Variants in CLCN3 observed in about 807,000 individuals in gnomAD.
CLCN3 encodes the protein Cl-/H+ antiporter 3.
In CLCN3, 16 loss-of-function variants were observed where a neutral mutation model predicts 83.4. The ratio of observed to expected loss-of-function variants is 0.19; its 90% CI spans 0.13 to 0.29. CLCN3 has a LOEUF of 0.29. CLCN3 is among the 10% of genes least tolerant of loss of function. CLCN3 has a pLI of 1.00. For missense variants in CLCN3, 544 were observed against 1,006.0 expected, an observed-to-expected ratio of 0.54 and a Z score of 6.21; for synonymous variants, 322 against 346.2, an observed-to-expected ratio of 0.93 and a Z score of 0.78.
intron 12 of CLCN3, among the ~76,000 whole-genome samples, chr4:169,715,601 T>C (rs1733394848): frequency 6.6e-6 from 1 of 152,140 alleles, no homozygotes; most frequent in Non-Finnish European, 1.5e-5. Flanking sequence ...GTGTAGTTCA[T>C]ACTGCATTTT....
At chr4:169,677,900 C>A (rs1188765277) in intron 2 of CLCN3, among the ~76,000 whole-genome samples, 1 of 151,832 alleles carries the variant, frequency 6.6e-6, no homozygotes, top group Non-Finnish European at 1.5e-5. Flanking sequence ...ATTTCTTTTT[C>A]TTGAGCTATC....
chr4:169,639,462 C>T (rs1417770073), intron 2 of CLCN3, among the ~76,000 whole-genome samples: 1 of 151,688 alleles, frequency 6.6e-6, no homozygotes, highest in Non-Finnish European at 1.5e-5. Context: ...TTACATGTCA[C>T]CAAAAAAAGA....
At chr4:169,679,816 T>C (rs996583131) in intron 2 of CLCN3, among the ~76,000 whole-genome samples, 2 of 151,424 alleles carry the variant, frequency 1.3e-5, no homozygotes, top group Non-Finnish European at 2.9e-5. Flanking sequence ...GGCAGGGAGG[T>C]TGCAGTGAGC....
intron 2 of CLCN3, chr4:169,663,125 A>ATGTG (rs55965836): frequency 6.4e-5 from 9 of 141,720 alleles, no homozygotes; most frequent in African/African-American, 2.3e-4. Flanking sequence ...GTGAGCATAT[A>ATGTG]TGTGTGTGTG....
intron 2 of CLCN3, among the ~76,000 whole-genome samples, chr4:169,650,584 GAA>G (rs1208637035): frequency 2.0e-5 from 3 of 152,170 alleles, no homozygotes; most frequent in African/African-American, 7.2e-5. Flanking sequence ...GTTTTTGTAA[GAA>G]ATTCTTAAAT....
At chr4:169,622,538 A>C (rs1174833589) in intron 1 of CLCN3, among the ~76,000 whole-genome samples, 2 of 152,188 alleles carry the variant, frequency 1.3e-5, no homozygotes, top group Non-Finnish European at 2.9e-5. Flanking sequence ...CAGTGATCTA[A>C]AATGTATAAT....
At position 169,620,797 on chromosome 4, in the gene CLCN3, G is replaced by A; in HGVS notation, c.-283G>A. 2.5e-6 allele frequency: 1 copy of A among 398,652 alleles called. No individual in the cohort carries two copies. Among genetic ancestry groups the A allele is most frequent in the Non-Finnish European group, 4.4e-6 (1 of 226,086 alleles). The allele number at this position is 398,652 out of a possible 1,614,324, so 24.7% of individuals were successfully genotyped here. ...TTTTAATTTTGGGCAGAAGCAGGTTGACTCTAGGGATCTCCAGAGCGAGAG... is the reference window on the plus strand; with the variant it reads ...TTTTAATTTTGGGCAGAAGCAGGTTAACTCTAGGGATCTCCAGAGCGAGAG... On this transcript the variant is annotated 5_prime_UTR_variant, in exon 1 of 13. Transcript: ENST00000513761.
chr4:169,665,642 A>G (rs35899341), intron 2 of CLCN3, among the ~76,000 whole-genome samples: 26,200 of 151,800 alleles, frequency 0.17, 2,900 homozygotes, highest in South Asian at 0.3. Flanking sequence ...TCCTGCTCTT[A>G]ACATACAGAA....
intron 12 of CLCN3, among the ~76,000 whole-genome samples, chr4:169,716,198 A>G (rs1316027548): frequency 6.6e-6 from 1 of 152,144 alleles, no homozygotes; most frequent in African/African-American, 2.4e-5. Flanking sequence ...CAGCACTCTG[A>G]CTTTATTATG....
At chr4:169,663,200 C>T (rs1320052498) in intron 2 of CLCN3, 1 of 130,764 alleles carries the variant, frequency 7.6e-6, no homozygotes, top group Non-Finnish European at 1.5e-5. Flanking sequence ...TATACATATA[C>T]ACACACATAT....
chr4:169,685,219 C>G (rs1439861803), intron 3 of CLCN3, among the ~76,000 whole-genome samples: 1 of 152,052 alleles, frequency 6.6e-6, no homozygotes, highest in Non-Finnish European at 1.5e-5. Context: ...TTAGATGCAC[C>G]TTTGATTCAT....
In CLCN3 at chr4:169,723,482, A is replaced by G. The variant is rs1309662816; in HGVS notation, c.*3485A>G. ...TCATTTCAGCTCACTTTCAAAAGTGATTTTTTTTTTTTTCGCAAGAAAAAT... is the reference window on the plus strand; with the variant it reads ...TCATTTCAGCTCACTTTCAAAAGTGGTTTTTTTTTTTTTCGCAAGAAAAAT... On this transcript the variant is annotated 3_prime_UTR_variant, in exon 13 of 13. Coordinates refer to ENST00000513761, the MANE Select transcript of CLCN3 (RefSeq NM_001829.4). The G allele has an allele frequency of 6.8e-6, 1 of 146,314 alleles. No homozygotes were observed. The highest frequency in any genetic ancestry group is 1.5e-5 in the Non-Finnish European group (1 of 66,070). 9.1% of individuals were successfully genotyped at this position (146,314 alleles called of 1,614,324 possible). A position where few individuals can be genotyped will look rare whatever the true frequency, so the allele number is the denominator to read the frequency against.
At chr4:169,643,267 G>C (rs1405366884) in intron 2 of CLCN3, 1 of 152,188 alleles carries the variant, frequency 6.6e-6, no homozygotes, top group Non-Finnish European at 1.5e-5. Context: ...TTTTGCTCTT[G>C]TTGCCCAAGC....
rs1773085830 is a variant in CLCN3 at position 169,620,583 on chromosome 4, C to T, written c.-497C>T. Reference sequence around the variant, plus strand: ...GCTCCTGACTCCTGCCGCTTCTCTTCCCCTTCCGTGGGTCAGGGCCGGTCC... The same window carrying T: ...GCTCCTGACTCCTGCCGCTTCTCTTTCCCTTCCGTGGGTCAGGGCCGGTCC... On this transcript the variant is annotated 5_prime_UTR_variant, in exon 1 of 13. Transcript: ENST00000513761. 2 of 394,368 alleles carry T rather than the reference C, an allele frequency of 5.1e-6. No homozygotes were observed. Among genetic ancestry groups the T allele is most frequent in the Non-Finnish European group, 8.9e-6 (2 of 224,220 alleles). 24.4% of individuals were successfully genotyped at this position (394,368 alleles called of 1,614,324 possible). A position where few individuals can be genotyped will look rare whatever the true frequency, so the allele number is the denominator to read the frequency against.
intron 1 of CLCN3, among the ~76,000 whole-genome samples, chr4:169,632,022 G>A (rs1340796866): frequency 2.0e-5 from 3 of 152,048 alleles, no homozygotes; most frequent in African/African-American, 7.2e-5. Context: ...CTACTGAAAC[G>A]ACTCCAAAAA....
chr4:169,681,819 C>T (rs1384349041), intron 3 of CLCN3, among the ~76,000 whole-genome samples: 3 of 152,166 alleles, frequency 2.0e-5, no homozygotes, highest in Admixed American at 6.5e-5. Flanking sequence ...TGACATTGTG[C>T]TACATTTGTT....
At position 169,719,812 on chromosome 4, in the gene CLCN3, CT is replaced by C. The variant is rs571520551; in HGVS notation, c.2367-94del. 1.2e-4 allele frequency: 110 copies of C among 950,524 alleles called. No homozygotes were observed. The South Asian group carries it at 1.9e-3, about 16-fold the overall frequency. The allele number at this position is 950,524 out of a possible 1,614,324, so 58.9% of individuals were successfully genotyped here. ...ACAAAATCAGGCTGCTTGCTTTGCTCTATTCCTGTCAACAAAAAGGATTTAG... is the reference window on the plus strand; with the variant it reads ...ACAAAATCAGGCTGCTTGCTTTGCTCATTCCTGTCAACAAAAAGGATTTAG... On this transcript the variant is annotated intron_variant, in intron 12 of 12. Transcript: ENST00000513761.
At chr4:169,684,850 C>A (rs1018440718) in intron 3 of CLCN3, among the ~76,000 whole-genome samples, 1 of 152,100 alleles carries the variant, frequency 6.6e-6, no homozygotes, top group African/African-American at 2.4e-5. Context: ...TACACACATA[C>A]AACATTGTCA....
intron 2 of CLCN3, among the ~76,000 whole-genome samples, chr4:169,657,833 C>T (rs1217740816): frequency 6.6e-6 from 1 of 152,086 alleles, no homozygotes; most frequent in Non-Finnish European, 1.5e-5. Context: ...CTTCTGCTCT[C>T]TCTCTATCTG....
Sources: gnomAD v4.1 joint callset for allele counts (sites outside exome capture counted in the v4.1 genomes callset) on GRCh38, gnomAD v4.1.1 for gene constraint, MANE v1.5 for transcripts, NCBI Gene and HGNC (gene_info 2026-07-23, HGNC 2026-07-21) for gene names.